SLC16A10: variants seen among roughly 807,000 people sequenced by gnomAD.
SLC16A10 encodes the protein solute carrier family 16 member 10.
SLC16A10 carries 27 observed loss-of-function variants against 40.0 expected under a neutral mutation model. That is an observed-to-expected ratio of 0.67 (90% CI 0.50 to 0.93). SLC16A10 has a LOEUF of 0.93. Ranked by LOEUF, SLC16A10 falls within the 40% of genes least tolerant of loss-of-function variation. SLC16A10 has a pLI of 0.00. For synonymous variants in SLC16A10, 213 were observed against 249.8 expected (o/e 0.85, Z 1.39); for missense variants, 529 against 658.2 (o/e 0.80, Z 2.15).
Position 111,224,826 on chromosome 6 carries a change from A to G in SLC16A10, c.*2591A>G, listed in dbSNP as rs556879440. ...GAATGAAGTGTTACTGCTGCAATAA[A>G]GTGACCTGATAAGCCTAAATTTTTT... On this transcript the variant is annotated 3_prime_UTR_variant, in exon 6 of 6. Transcript: ENST00000368851. 5.1e-4 allele frequency: 78 copies of G among 152,328 alleles called. No individual in the cohort carries two copies. The highest frequency in any genetic ancestry group is 1.8e-3 in the African/African-American group (76 of 41,584). The allele number at this position is 152,328 out of a possible 1,614,324, so 9.4% of individuals were successfully genotyped here.
intron 4 of SLC16A10, among the ~76,000 whole-genome samples, chr6:111,212,814 A>T (rs115060029): frequency 0.018 from 2,687 of 152,122 alleles, 78 homozygotes; most frequent in African/African-American, 0.061. Flanking sequence ...AAAATAAAAA[A>T]AAATGCTGAG....
chr6:111,223,212 C>T lies in SLC16A10; in HGVS notation c.*977C>T, dbSNP rs369772234. On this transcript the variant is annotated 3_prime_UTR_variant, in exon 6 of 6. Transcript: ENST00000368851. ...TATCTGTAGCTGATAGAAATAATTG[C>T]TTAAATTGGTTTATGAAATTAATGA... is the stretch of plus-strand genomic sequence containing the variant. The T allele has an allele frequency of 6.6e-6, 1 of 152,064 alleles. No homozygotes were observed. Among genetic ancestry groups the T allele is most frequent in the South Asian group, 2.1e-4 (1 of 4,822 alleles). 9.4% of individuals were successfully genotyped at this position (152,064 alleles called of 1,614,324 possible).
intron 3 of SLC16A10, among the ~76,000 whole-genome samples, chr6:111,203,329 C>T (rs945993276): frequency 5.9e-5 from 9 of 152,146 alleles, no homozygotes; most frequent in Admixed American, 1.3e-4. Flanking sequence ...ACATACTGAC[C>T]AAAGAAACTT....
At chr6:111,202,758 G>A (rs186506598) in intron 3 of SLC16A10, among the ~76,000 whole-genome samples, 1 of 151,578 alleles carries the variant, frequency 6.6e-6, no homozygotes, top group Admixed American at 6.6e-5. Flanking sequence ...GTGGTGGCGG[G>A]CACCTGTAAT....
chr6:111,089,398 A>G (rs140329235), intron 1 of SLC16A10, among the ~76,000 whole-genome samples: 26 of 152,302 alleles, frequency 1.7e-4, no homozygotes, highest in African/African-American at 6.0e-4. Context: ...GTTTGACTAT[A>G]TTATACTCTA....
chr6:111,112,825 G>T (rs1771414022), intron 1 of SLC16A10, among the ~76,000 whole-genome samples: 1 of 152,154 alleles, frequency 6.6e-6, no homozygotes. Context: ...AAGGCTGTAG[G>T]TTAATTAGGA....
At chr6:111,147,645 T>C (rs1298876514) in intron 1 of SLC16A10, among the ~76,000 whole-genome samples, 1 of 152,248 alleles carries the variant, frequency 6.6e-6, no homozygotes, top group Non-Finnish European at 1.5e-5. Flanking sequence ...GAGTGTTTGA[T>C]AAATTAATAT....
At chr6:111,215,210 T>G (rs149866998) in intron 4 of SLC16A10, among the ~76,000 whole-genome samples, 72 of 152,212 alleles carry the variant, frequency 4.7e-4, no homozygotes, top group Non-Finnish European at 8.7e-4. Context: ...TTTACAAAAC[T>G]GACCAAAGAA....
intron 1 of SLC16A10, among the ~76,000 whole-genome samples, chr6:111,107,965 C>CA (rs937630094): frequency 2.0e-4 from 31 of 151,446 alleles, no homozygotes; most frequent in African/African-American, 7.5e-4. Context: ...ATCCTCTCAT[C>CA]AAAAAAGGGC....
chr6:111,113,636 A>C (rs908706112), intron 1 of SLC16A10, among the ~76,000 whole-genome samples: 1 of 152,208 alleles, frequency 6.6e-6, no homozygotes, highest in Non-Finnish European at 1.5e-5. Flanking sequence ...GAGTACATGC[A>C]CGCACTTGTG....
At chr6:111,113,899 G>A (rs147447975) in intron 1 of SLC16A10, among the ~76,000 whole-genome samples, 2 of 152,256 alleles carry the variant, frequency 1.3e-5, no homozygotes, top group Non-Finnish European at 2.9e-5. Context: ...AGGTCTCAGT[G>A]CCTGCGTGGC....
chr6:111,087,547 C>T lies in SLC16A10; in HGVS notation c.-206C>T. The T allele has an allele frequency of 4.7e-6, 1 of 211,982 alleles. No individual in the cohort carries two copies. The highest frequency in any genetic ancestry group is 9.2e-6 in the Non-Finnish European group (1 of 108,894). 13.1% of individuals were successfully genotyped at this position (211,982 alleles called of 1,614,324 possible). On this transcript the variant is annotated 5_prime_UTR_variant, in exon 1 of 6. Transcript: ENST00000368851. ...TGACCTAGAGGCTTCAGTGTCGATC[C>T]CCGAGGTGTTCGCGCGCGCCAGCTG...
Position 111,087,667 on chromosome 6 carries a change from C to CGGCTGTCGAGAAGGTGGAGGTGGAG in SLC16A10, c.-86_-85insGGCTGTCGAGAAGGTGGAGGTGGAG. On this transcript the variant is annotated 5_prime_UTR_variant, in exon 1 of 6. Transcript: ENST00000368851. ...CCCTCGCCTCGGCCTCGTTAGCCCG[C>CGGCTGTCGAGAAGGTGGAGGTGGAG]CAGGAGCCCCGCAGCTCCTCCGGGA... 1 of 806,816 alleles carries CGGCTGTCGAGAAGGTGGAGGTGGAG rather than the reference C, an allele frequency of 1.2e-6. No individual in the cohort carries two copies. The highest frequency in any genetic ancestry group is 1.8e-5 in the African/African-American group (1 of 55,300). 50.0% of individuals were successfully genotyped at this position (806,816 alleles called of 1,614,324 possible). A position where few individuals can be genotyped will look rare whatever the true frequency, so the allele number is the denominator to read the frequency against.
intron 1 of SLC16A10, among the ~76,000 whole-genome samples, chr6:111,099,250 A>C (rs1317719244): frequency 2.0e-5 from 3 of 152,214 alleles, no homozygotes; most frequent in Non-Finnish European, 4.4e-5. Context: ...ATAGACTTAT[A>C]TTTGTATTTT....
At chr6:111,150,547 A>G (rs1442631586) in intron 1 of SLC16A10, among the ~76,000 whole-genome samples, 1 of 152,208 alleles carries the variant, frequency 6.6e-6, no homozygotes, top group Admixed American at 6.5e-5. Flanking sequence ...TGTAGCAGTT[A>G]TTAATATAAG....
intron 3 of SLC16A10, among the ~76,000 whole-genome samples, chr6:111,182,712 C>T (rs1201082171): frequency 2.0e-5 from 3 of 152,046 alleles, no homozygotes; most frequent in African/African-American, 7.2e-5. Flanking sequence ...TTGATCTTAC[C>T]CCTTAAAACT....
At chr6:111,217,223 C>A (rs1773440317) in intron 4 of SLC16A10, among the ~76,000 whole-genome samples, 1 of 152,200 alleles carries the variant, frequency 6.6e-6, no homozygotes, top group Non-Finnish European at 1.5e-5. Flanking sequence ...CCTCTCCCAG[C>A]GTCACTATCT....
chr6:111,142,904 G>C (rs1772009464), intron 1 of SLC16A10, among the ~76,000 whole-genome samples: 1 of 152,202 alleles, frequency 6.6e-6, no homozygotes, highest in Non-Finnish European at 1.5e-5. Context: ...TATTCACACA[G>C]AAACCTGCAC....
At chr6:111,177,839 A>G (rs1772714818) in intron 3 of SLC16A10, 174 bp downstream of exon 3, 1 of 562,588 alleles carries the variant, frequency 1.8e-6, no homozygotes, top group African/African-American at 1.9e-5. Context: ...TTAGACCACT[A>G]AACAGAGAGA....
Sources: gnomAD v4.1 joint callset for allele counts (sites outside exome capture counted in the v4.1 genomes callset) on GRCh38, gnomAD v4.1.1 for gene constraint, MANE v1.5 for transcripts, NCBI Gene and HGNC (gene_info 2026-07-23, HGNC 2026-07-21) for gene names.